The following PCNX2 variants were observed in gnomAD, a reference collection of about 807,000 sequenced individuals.
PCNX2 encodes the protein pecanex-like protein 2.
PCNX2 carries 168 observed loss-of-function variants against 223.8 expected under a neutral mutation model. The observed-to-expected ratio is 0.75, with a 90% CI of 0.66 to 0.85. The LOEUF is 0.85. Ranked by LOEUF, PCNX2 falls within the 40% of genes least tolerant of loss-of-function variation. The pLI, the probability that PCNX2 is intolerant of heterozygous loss-of-function variation, is 0.00. For synonymous variants in PCNX2, 1,006 were observed against 1,052.6 expected (o/e 0.96, Z 0.86); for missense variants, 2,507 against 2,675.5 (o/e 0.94, Z 1.39).
intron 19 of PCNX2, among the ~76,000 whole-genome samples, chr1:233,155,537 T>C (rs771180231): frequency 6.6e-6 from 1 of 152,216 alleles, no homozygotes; most frequent in African/African-American, 2.4e-5. Flanking sequence ...CTCAATACCA[T>C]ACTTATTCCT....
chr1:233,004,396 C>A (rs1481333886), intron 28 of PCNX2, among the ~76,000 whole-genome samples: 2 of 151,930 alleles, frequency 1.3e-5, no homozygotes, highest in Admixed American at 1.3e-4. Context: ...TTTGGATGAA[C>A]CTGGGGAGTA....
At position 233,258,936 on chromosome 1, in the gene PCNX2, C is replaced by A; in HGVS notation, c.926G>T (p.Ser309Ile). Residue 309 changes from serine (S) to isoleucine (I), a missense_variant, in exon 5 of 34, where the codon AGC (serine) becomes ATC (isoleucine). Physicochemically the swap from Ser to Ile is moderately radical, Grantham distance 142. Transcript: ENST00000258229. Reference sequence around the variant, plus strand: ...GGTGTCACATTGAGGGCAGCTGCTGCTCAGGCTGTCCTGAGGTGACTTGCT... The same window carrying A: ...GGTGTCACATTGAGGGCAGCTGCTGATCAGGCTGTCCTGAGGTGACTTGCT... The part of the protein sequence containing the change: ...VQSKSPQDSL[S>I]SSCPQCDTIV... 6.2e-7 allele frequency: 1 copy of A among 1,613,970 alleles called. No homozygotes were observed. Among genetic ancestry groups the A allele is most frequent in the Non-Finnish European group, 8.5e-7 (1 of 1,179,878 alleles).
intron 1 of PCNX2, among the ~76,000 whole-genome samples, chr1:233,264,378 AC>A (rs769598482): frequency 6.6e-6 from 1 of 152,170 alleles, no homozygotes; most frequent in Non-Finnish European, 1.5e-5. Context: ...TGGTGCCTCA[AC>A]CTAAACATAG....
rs1434560091 is a variant in PCNX2, at chr1:233,241,509, G to C, written c.2223-4529C>G. 1.9e-5 allele frequency: 10 copies of C among 537,706 alleles called. No homozygotes were observed. The East Asian group carries it at 1.0e-3, about 56-fold the overall frequency. The allele number at this position is 537,706 out of a possible 1,614,324, so 33.3% of individuals were successfully genotyped here. ...AAGAGTAAAAAGTGAAAGCCAAAAA[G>C]AAAGGACATGGAAATTTGGGAGGGC... On this transcript the variant is annotated intron_variant, in intron 8 of 33. Transcript: ENST00000258229.
At chr1:233,113,945 G>C (rs928539915) in intron 21 of PCNX2, among the ~76,000 whole-genome samples, 1 of 152,156 alleles carries the variant, frequency 6.6e-6, no homozygotes. Context: ...TCAACATTCC[G>C]GAGTTTTATT....
intron 19 of PCNX2, among the ~76,000 whole-genome samples, chr1:233,159,645 A>G (rs1053840011): frequency 6.6e-5 from 10 of 152,216 alleles, no homozygotes; most frequent in African/African-American, 1.9e-4. Flanking sequence ...GCAAGGAAAG[A>G]TCTAGCAGAA....
Position 233,161,371 on chromosome 1 carries a change from G to A in PCNX2, c.3274-8C>T. The A allele has an allele frequency of 6.2e-7, 1 of 1,612,792 alleles. No homozygotes were observed. The highest frequency in any genetic ancestry group is 8.5e-7 in the Non-Finnish European group (1 of 1,179,090). On this transcript the variant is annotated splice_region_variant and splice_polypyrimidine_tract_variant and intron_variant, in intron 17 of 33. Transcript: ENST00000258229. ...CCATTTTAAGACATCCGTCTGGAAA[G>A]AGAAAACCAGCGGTAAAGGCGACTC...
intron 21 of PCNX2, among the ~76,000 whole-genome samples, chr1:233,105,272 A>C (rs886521253): frequency 1.3e-5 from 2 of 152,214 alleles, no homozygotes; most frequent in Non-Finnish European, 2.9e-5. Flanking sequence ...AATGTAATTC[A>C]CAAAATTGAG....
chr1:233,044,562 C>A (rs1432795548), intron 25 of PCNX2, among the ~76,000 whole-genome samples: 1 of 151,512 alleles, frequency 6.6e-6, no homozygotes, highest in African/African-American at 2.4e-5. Context: ...GCAGTGGGGG[C>A]ACTACAATCC....
At chr1:233,287,999 T>C (rs532914891) in intron 1 of PCNX2, among the ~76,000 whole-genome samples, 2 of 152,250 alleles carry the variant, frequency 1.3e-5, no homozygotes, top group Admixed American at 6.5e-5. Context: ...CATAATACAA[T>C]TGTAAATGCT....
intron 16 of PCNX2, 118 bp downstream of exon 16, chr1:233,178,948 T>C: frequency 1.2e-6 from 1 of 806,482 alleles, no homozygotes; most frequent in Non-Finnish European, 1.9e-6. Flanking sequence ...AGTTTAATAA[T>C]GAGAGTCAAA....
At chr1:233,185,068 G>A (rs1022942824) in intron 15 of PCNX2, among the ~76,000 whole-genome samples, 5 of 140,264 alleles carry the variant, frequency 3.6e-5, no homozygotes, top group African/African-American at 1.3e-4. Flanking sequence ...AACTAATGCA[G>A]ATGTATACAT....
intron 12 of PCNX2, among the ~76,000 whole-genome samples, chr1:233,214,557 G>A (rs993572838): frequency 6.6e-6 from 1 of 152,114 alleles, no homozygotes; most frequent in African/African-American, 2.4e-5. Flanking sequence ...AGGCGATTCC[G>A]GGCACACTGC....
intron 28 of PCNX2, among the ~76,000 whole-genome samples, chr1:233,005,166 G>T (rs910402244): frequency 2.0e-5 from 3 of 152,198 alleles, no homozygotes; most frequent in Non-Finnish European, 2.9e-5. Context: ...AAATGGGTGG[G>T]ATTTATTCAG....
intron 8 of PCNX2, among the ~76,000 whole-genome samples, chr1:233,246,420 G>T (rs1659127932): frequency 6.6e-6 from 1 of 152,210 alleles, no homozygotes; most frequent in South Asian, 2.1e-4. Context: ...CAGGGAGGGA[G>T]ACTCACCTGT....
intron 28 of PCNX2, among the ~76,000 whole-genome samples, chr1:233,009,017 G>A (rs891641056): frequency 2.6e-5 from 4 of 152,218 alleles, no homozygotes; most frequent in African/African-American, 7.2e-5. Flanking sequence ...GCTGGGAGAT[G>A]TTGTGGACAG....
rs769607451 is a variant in PCNX2 at position 233,121,163 on chromosome 1, G to GAT, written c.3837+13848_3837+13849dup. ...TATATGCAAAAACCTATAGAAATCT[G>GAT]ATGAAAGAAACCAAAGACTATCTAA... On this transcript the variant is annotated intron_variant, in intron 21 of 33. Coordinates refer to ENST00000258229, the MANE Select transcript of PCNX2 (RefSeq NM_014801.4). Among the ~76,000 whole-genome samples the GAT allele has an allele frequency of 3.9e-5, 6 of 152,138 alleles. No individual in the cohort carries two copies. In the South Asian group the frequency reaches 1.2e-3, roughly 32 times the overall value.
At chr1:233,257,660 C>A (rs531428804) in intron 5 of PCNX2, among the ~76,000 whole-genome samples, 1 of 152,282 alleles carries the variant, frequency 6.6e-6, no homozygotes, top group South Asian at 2.1e-4. Context: ...AGAAATTTGT[C>A]TTAGAATCAA....
upstream of PCNX2, among the ~76,000 whole-genome samples, chr1:233,300,259 G>A (rs892876052): frequency 3.3e-5 from 5 of 152,188 alleles, no homozygotes; most frequent in Non-Finnish European, 7.3e-5. Context: ...GTTTCATAGT[G>A]TTCTATGTAG....
Sources: gnomAD v4.1 joint callset for allele counts (sites outside exome capture counted in the v4.1 genomes callset) on GRCh38, gnomAD v4.1.1 for gene constraint, MANE v1.5 for transcripts, NCBI Gene and HGNC (gene_info 2026-07-23, HGNC 2026-07-21) for gene names.